Variants in NT5DC3 observed in about 807,000 individuals in gnomAD.
NT5DC3 encodes the protein 5'-nucleotidase domain-containing protein 3.
In NT5DC3, 42 loss-of-function variants were observed where a neutral mutation model predicts 67.8. The ratio of observed to expected loss-of-function variants is 0.62; its 90% CI spans 0.48 to 0.80. The LOEUF is 0.80. Among genes scored for constraint, NT5DC3 ranks in the 30% least tolerant of loss-of-function variants. NT5DC3 has a pLI of 0.00. For missense variants in NT5DC3, 570 were observed against 696.4 expected, an observed-to-expected ratio of 0.82 and a Z score of 2.04; for synonymous variants, 237 against 255.6, an observed-to-expected ratio of 0.93 and a Z score of 0.69.
At chr12:103,786,529 C>CAG (rs35507702) in intron 11 of NT5DC3, among the ~76,000 whole-genome samples, 120,923 of 151,728 alleles carry the variant, frequency 0.8, 48,565 homozygotes, top group South Asian at 0.95. Flanking sequence ...GGCTTTTACT[C>CAG]AGAGAGAAAG....
the NT5DC3 span, chr12:103,750,865 T>G: frequency 8.7e-7 from 1 of 1,148,258 alleles, no homozygotes; most frequent in Non-Finnish European, 1.2e-6. Flanking sequence ...CCAAGGCAGA[T>G]GGATCACTTG....
At chr12:103,813,388 T>C (rs776161454) in intron 2 of NT5DC3, among the ~76,000 whole-genome samples, 19 of 152,162 alleles carry the variant, frequency 1.2e-4, no homozygotes, top group Non-Finnish European at 2.5e-4. Flanking sequence ...TGGTTTTACA[T>C]CTAGTAAAGT....
Position 103,798,576 on chromosome 12 carries a change from C to T in NT5DC3, c.615+11G>A. On this transcript the variant is annotated intron_variant, in intron 5 of 13. Transcript: ENST00000392876. ...AAGGCTGCTTTAAATGAATAAAGTGCTTCTCATTACCTTTCCGTAAAAGTC... is the reference window on the plus strand; with the variant it reads ...AAGGCTGCTTTAAATGAATAAAGTGTTTCTCATTACCTTTCCGTAAAAGTC... 6.3e-7 allele frequency: 1 copy of T among 1,593,352 alleles called. No individual in the cohort carries two copies. The highest frequency in any genetic ancestry group is 1.1e-5 in the South Asian group (1 of 90,510).
chr12:103,780,265 G>A, intron 13 of NT5DC3, 35 bp downstream of exon 13: 1 of 1,566,882 alleles, frequency 6.4e-7, no homozygotes, highest in South Asian at 1.1e-5. Flanking sequence ...AGAACAGGGT[G>A]GTGGACGCGC....
chr12:103,822,322 T>C (rs891035353), intron 1 of NT5DC3, among the ~76,000 whole-genome samples: 1 of 151,958 alleles, frequency 6.6e-6, no homozygotes, highest in Admixed American at 6.6e-5. Flanking sequence ...GACCAAAAAA[T>C]TGAAAAGACA....
intron 1 of NT5DC3, among the ~76,000 whole-genome samples, chr12:103,829,967 C>T (rs1242896172): frequency 1.3e-5 from 2 of 152,066 alleles, no homozygotes; most frequent in Non-Finnish European, 2.9e-5. Flanking sequence ...TTTCTCTCAG[C>T]ACTTTGAGGT....
rs139300812 is a variant in NT5DC3, at chr12:103,822,315, C to A, written c.209-7194G>T. 4.0e-5 allele frequency among the ~76,000 whole-genome samples: 6 copies of A among 151,616 alleles called. No individual in the cohort carries two copies. The East Asian group carries it at 9.7e-4, about 24-fold the overall frequency. ...GGGGAAAGAGGTGAGTATATTAGAC[C>A]AAAAAATTGAAAAGACAAACAGCAA... On this transcript the variant is annotated intron_variant, in intron 1 of 13. Transcript: ENST00000392876.
At chr12:103,822,433 A>AG (rs1887528600) in intron 1 of NT5DC3, among the ~76,000 whole-genome samples, 1 of 152,264 alleles carries the variant, frequency 6.6e-6, no homozygotes, top group Non-Finnish European at 1.5e-5. Context: ...TACCAAAAAA[A>AG]GCGAATTAAA....
At chr12:103,785,712 T>C (rs1158072323) in intron 11 of NT5DC3, 1 of 553,584 alleles carries the variant, frequency 1.8e-6, no homozygotes, top group Admixed American at 2.3e-5. Flanking sequence ...TCACAACCCC[T>C]GCAGAAACAC....
At chr12:103,832,985 A>G (rs1887996003) in intron 1 of NT5DC3, among the ~76,000 whole-genome samples, 1 of 152,252 alleles carries the variant, frequency 6.6e-6, no homozygotes, top group Non-Finnish European at 1.5e-5. Context: ...AGTGGGTCCT[A>G]TGACTCCATT....
At chr12:103,748,605 TACACACACACACACACACACACAC>T in the NT5DC3 span, among the ~76,000 whole-genome samples, 236 of 141,812 alleles carry the variant, frequency 1.7e-3, no homozygotes, top group Middle Eastern at 3.5e-3. Context: ...CACACACACA[TACACACACACACACACACACACAC>T]ACACACACAC....
At chr12:103,816,248 T>C (rs1298551601) in intron 1 of NT5DC3, among the ~76,000 whole-genome samples, 1 of 152,312 alleles carries the variant, frequency 6.6e-6, no homozygotes, top group East Asian at 1.9e-4. Flanking sequence ...TACCTACCAA[T>C]CGTGGCTCCC....
At chr12:103,829,039 T>C (rs1036998779) in intron 1 of NT5DC3, among the ~76,000 whole-genome samples, 2 of 152,210 alleles carry the variant, frequency 1.3e-5, no homozygotes, top group African/African-American at 4.8e-5. Flanking sequence ...TACATGTGTG[T>C]CCCTACAAGT....
chr12:103,758,234 T>G, the NT5DC3 span: 2 of 1,614,122 alleles, frequency 1.2e-6, no homozygotes, highest in Non-Finnish European at 1.7e-6. Flanking sequence ...CTGACTGACC[T>G]GTCCATCCGC....
At chr12:103,789,184 G>A in intron 9 of NT5DC3, 2 of 375,036 alleles carry the variant, frequency 5.3e-6, no homozygotes, top group Non-Finnish European at 4.9e-6. Context: ...AGCACTTTGG[G>A]AAGCCAAGGC....
rs758510034 is a variant in NT5DC3 at position 103,806,859 on chromosome 12, T to C, written c.464A>G (p.Gln155Arg). ...AAACAGGAGAAGTAAACCTACCCGC[T>C]GTACATCATAATGAAGTCCACGAAT... ...FAIRGLHYDV[Q>R]RAVLMKIDAF... The change falls in exon 3 of 14, where the codon CAG becomes CGG. Residue 155 changes from glutamine to arginine, a missense_variant. Gln to Arg is a conservative substitution (Grantham distance 43). Coordinates refer to ENST00000392876, the MANE Select transcript of NT5DC3 (RefSeq NM_001031701.3). 1.9e-6 allele frequency: 3 copies of C among 1,588,166 alleles called. No homozygotes were observed. The highest frequency in any genetic ancestry group is 2.6e-6 in the Non-Finnish European group (3 of 1,156,478).
intron 1 of NT5DC3, among the ~76,000 whole-genome samples, chr12:103,826,339 G>GTT (rs577366633): frequency 1.6e-3 from 241 of 152,346 alleles, no homozygotes; most frequent in African/African-American, 5.6e-3. Flanking sequence ...ATTAAGATTG[G>GTT]TATCAGCTGA....
chr12:103,785,308 TGAGA>T, intron 12 of NT5DC3, 23 bp downstream of exon 12: 1 of 1,610,504 alleles, frequency 6.2e-7, no homozygotes, highest in Non-Finnish European at 8.5e-7. Context: ...AAAGAAAAAG[TGAGA>T]GAGAAAAATA....
chr12:103,761,525 GAGCCTCC>G, the NT5DC3 span: 2 of 933,314 alleles, frequency 2.1e-6, no homozygotes, highest in Middle Eastern at 3.5e-4. Flanking sequence ...GAGACTGGAG[GAGCCTCC>G]AGCCTCCAAC....
Sources: allele counts gnomAD v4.1 joint callset (sites outside exome capture counted in the v4.1 genomes callset), GRCh38; gene constraint gnomAD v4.1.1; transcripts MANE v1.5; gene names NCBI Gene and HGNC (gene_info 2026-07-23, HGNC 2026-07-21).